SEC22A: variants seen among roughly 807,000 people sequenced by gnomAD.
The protein encoded by SEC22A is vesicle-trafficking protein SEC22a.
A neutral mutation model predicts 35.3 loss-of-function variants in SEC22A; 22 were observed. The observed-to-expected ratio is 0.62, with a 90% CI of 0.45 to 0.89. SEC22A has a LOEUF of 0.89. SEC22A is among the 40% of genes least tolerant of loss of function. The pLI is 0.00. For missense variants in SEC22A, 354 were observed against 362.5 expected (o/e 0.98, Z 0.19); for synonymous variants, 119 against 129.5 (o/e 0.92, Z 0.55).
At chr3:123,220,719 G>A (rs907030162) in intron 2 of SEC22A, among the ~76,000 whole-genome samples, 2 of 151,734 alleles carry the variant, frequency 1.3e-5, no homozygotes, top group African/African-American at 4.8e-5. Context: ...TGTGTATTAA[G>A]TGATGCTTCA....
At position 123,271,656 on chromosome 3, in the gene SEC22A, A is replaced by T. The variant is rs779566940; in HGVS notation, c.858A>T (p.Gly286=). The change falls in exon 7 of 7, where the codon GGA becomes GGT. Residue 286 remains glycine (G), a synonymous_variant. Coordinates refer to ENST00000492595, the MANE Select transcript of SEC22A (RefSeq NM_012430.5). ...LWQLFFHVTV[G]AFVTLQIWLR... is the part of the protein sequence containing the mutation. ...AGCTTTTCTTTCATGTGACTGTGGG[A>T]GCATTTGTTACACTACAGATCTGGC... is the stretch of plus-strand genomic sequence containing the variant. 1.9e-6 allele frequency: 3 copies of T among 1,614,146 alleles called. No homozygotes were observed.
chr3:123,248,734 GT>G (rs1559760810), intron 5 of SEC22A, among the ~76,000 whole-genome samples: 1 of 152,180 alleles, frequency 6.6e-6, no homozygotes, highest in Non-Finnish European at 1.5e-5. Flanking sequence ...TGATTCTAAA[GT>G]TCATATGGAA....
chr3:123,210,480 A>G (rs1436526271), intron 2 of SEC22A, among the ~76,000 whole-genome samples: 1 of 152,212 alleles, frequency 6.6e-6, no homozygotes, highest in Non-Finnish European at 1.5e-5. Flanking sequence ...GGTAAAAAGT[A>G]AGAGTTCTGT....
Position 123,246,023 on chromosome 3 carries a change from C to CT in SEC22A, c.657+10dup, listed in dbSNP as rs769894528. Reference sequence around the variant, plus strand: ...TAGAAAGTCTCCTGCAGGTACTGTGCTATTTTTGCAATTTCAGGTGACTGT... The same window carrying CT: ...TAGAAAGTCTCCTGCAGGTACTGTGCTTATTTTTGCAATTTCAGGTGACTGT... On this transcript the variant is annotated intron_variant, in intron 5 of 6. Transcript: ENST00000492595. 2 of 1,493,664 alleles carry CT rather than the reference C, an allele frequency of 1.3e-6. No homozygotes were observed. Among genetic ancestry groups the CT allele is most frequent in the Non-Finnish European group, 1.9e-6 (2 of 1,074,440 alleles). The allele number at this position is 1,493,664 out of a possible 1,614,324, so 92.5% of individuals were successfully genotyped here.
At chr3:123,207,149 A>G (rs1034657656) in intron 1 of SEC22A, among the ~76,000 whole-genome samples, 2 of 152,110 alleles carry the variant, frequency 1.3e-5, no homozygotes, top group African/African-American at 4.8e-5. Flanking sequence ...CTTTTTCCTC[A>G]TGAAAAGAGG....
Position 123,260,169 on chromosome 3 carries a change from A to AAAAAAAAAAAC in SEC22A, c.723+580_723+581insAAAAAAAAAAC, listed in dbSNP as rs1559763879. 9.6e-5 allele frequency among the ~76,000 whole-genome samples: 11 copies of AAAAAAAAAAAC among 114,838 alleles called. 3 individuals are homozygous for AAAAAAAAAAAC. The highest frequency in any genetic ancestry group is 3.1e-4 in the African/African-American group (9 of 28,758). 75.3% of individuals were successfully genotyped at this position (114,838 alleles called of 152,430 possible). A position where few individuals can be genotyped will look rare whatever the true frequency, so the allele number is the denominator to read the frequency against. Reference sequence around the variant, plus strand: ...AAAAAAAAAAAAAAAAAAAAAAAAAACTACTAGATTTTCTGGTGGTTGATT... The same window carrying AAAAAAAAAAAC: ...AAAAAAAAAAAAAAAAAAAAAAAAAAAAAAAAAAAACCTACTAGATTTTCTGGTGGTTGATT... On this transcript the variant is annotated intron_variant, in intron 6 of 6. Coordinates refer to ENST00000492595, the MANE Select transcript of SEC22A (RefSeq NM_012430.5).
At chr3:123,259,638 C>A in intron 6 of SEC22A, 49 bp downstream of exon 6, 1 of 1,256,620 alleles carries the variant, frequency 8.0e-7, no homozygotes, top group Non-Finnish European at 1.2e-6. Context: ...TTGTTTACTT[C>A]GGGTATCAGT....
At chr3:123,216,302 TA>T (rs1009718394) in intron 2 of SEC22A, among the ~76,000 whole-genome samples, 1 of 152,116 alleles carries the variant, frequency 6.6e-6, no homozygotes, top group Non-Finnish European at 1.5e-5. Context: ...GTGGCTGTGT[TA>T]GGGAAGTGAG....
Position 123,207,803 on chromosome 3 carries a change from C to A in SEC22A, c.-19-1396C>A, listed in dbSNP as rs539303065. ...CAGACTCAGGCCTGTGAAGTCCTTT[C>A]ATCTGTTTTTGTAAAGCAAGAAGAG... On this transcript the variant is annotated intron_variant, in intron 1 of 6. Coordinates refer to ENST00000492595, the MANE Select transcript of SEC22A (RefSeq NM_012430.5). Among the ~76,000 whole-genome samples, 32 of 152,290 alleles carry A rather than the reference C, an allele frequency of 2.1e-4. No individual in the cohort carries two copies. In the South Asian group the frequency reaches 3.7e-3, roughly 18 times the overall value.
chr3:123,231,864 A>G (rs1937332262), intron 4 of SEC22A, among the ~76,000 whole-genome samples: 3 of 152,170 alleles, frequency 2.0e-5, no homozygotes, highest in Admixed American at 6.5e-5. Flanking sequence ...AGTAGAGAAA[A>G]ATCAACAAAA....
intron 4 of SEC22A, among the ~76,000 whole-genome samples, chr3:123,236,096 G>T (rs1937414988): frequency 6.6e-6 from 1 of 152,110 alleles, no homozygotes; most frequent in African/African-American, 2.4e-5. Context: ...TCTTTTGGGG[G>T]TGATGAAAAT....
intron 4 of SEC22A, among the ~76,000 whole-genome samples, chr3:123,235,333 C>T (rs28849109): frequency 0.2 from 29,926 of 151,960 alleles, 3,044 homozygotes; most frequent in Middle Eastern, 0.28. Context: ...TACAACTAAA[C>T]GATAAAAAGA....
chr3:123,242,207 C>G (rs1937530259), intron 4 of SEC22A, among the ~76,000 whole-genome samples: 1 of 151,586 alleles, frequency 6.6e-6, no homozygotes, highest in South Asian at 2.1e-4. Flanking sequence ...TCATTTAAAC[C>G]TTTCCCTTCA....
chr3:123,260,130 T>G (rs1326278618), intron 6 of SEC22A, among the ~76,000 whole-genome samples: 3 of 36,182 alleles, frequency 8.3e-5, no homozygotes, highest in Non-Finnish European at 1.3e-4. Flanking sequence ...AGACTACATC[T>G]CAAAAAAAAA....
At chr3:123,223,799 G>C (rs1172615539) in intron 3 of SEC22A, 77 bp downstream of exon 3, 3 of 1,023,398 alleles carry the variant, frequency 2.9e-6, no homozygotes, top group Non-Finnish European at 4.3e-6. Flanking sequence ...ATATTGGGTG[G>C]AGGGGGGACT....
At chr3:123,241,412 C>G (rs1459198705) in intron 4 of SEC22A, among the ~76,000 whole-genome samples, 1 of 152,160 alleles carries the variant, frequency 6.6e-6, no homozygotes, top group Non-Finnish European at 1.5e-5. Flanking sequence ...TCTCTCTTAT[C>G]TTCCACAGTC....
chr3:123,222,886 G>T (rs571882344), intron 2 of SEC22A, among the ~76,000 whole-genome samples: 24 of 152,312 alleles, frequency 1.6e-4, no homozygotes, highest in African/African-American at 5.8e-4. Flanking sequence ...GTCCTTGCCT[G>T]ATCCAATCTT....
intron 5 of SEC22A, among the ~76,000 whole-genome samples, chr3:123,254,325 C>T (rs1559762135): frequency 6.6e-6 from 1 of 152,102 alleles, no homozygotes; most frequent in Non-Finnish European, 1.5e-5. Flanking sequence ...CTGACCCATC[C>T]TCATCTTTAA....
At chr3:123,245,777 TTAAA>T (rs1937561191) in intron 4 of SEC22A, 118 bp from the exon 5 acceptor site, 1 of 632,078 alleles carries the variant, frequency 1.6e-6, no homozygotes, top group African/African-American at 1.8e-5. Flanking sequence ...ATATATGGTG[TTAAA>T]TAATTCTATG....
Sources: gnomAD v4.1 joint callset for allele counts (sites outside exome capture counted in the v4.1 genomes callset) on GRCh38, gnomAD v4.1.1 for gene constraint, MANE v1.5 for transcripts, NCBI Gene and HGNC (gene_info 2026-07-23, HGNC 2026-07-21) for gene names.